The following SNURF variants were observed in gnomAD, a reference collection of about 807,000 sequenced individuals.
SNURF encodes SNURF protein.
A neutral mutation model predicts 11.6 loss-of-function variants in SNURF; 6 were observed. The ratio of observed to expected loss-of-function variants is 0.52; its 90% CI spans 0.28 to 1.02. The LOEUF is 1.02. Ranked by LOEUF, SNURF falls within the 50% of genes least tolerant of loss-of-function variation. The probability of loss-of-function intolerance (pLI) is 0.09; values close to 1 mark genes in which losing one functional copy is unlikely to be tolerated. For synonymous variants in SNURF, 29 were observed against 31.6 expected, an observed-to-expected ratio of 0.92 and a Z score of 0.27; for missense variants, 84 against 88.4, an observed-to-expected ratio of 0.95 and a Z score of 0.20.
intron 4 of SNURF, chr15:24,975,623 G>C: frequency 1.2e-6 from 1 of 822,146 alleles, no homozygotes; most frequent in Non-Finnish European, 2.0e-6. Context: ...AACTATGGTA[G>C]AGCCAGTCTA....
intron 2 of SNURF, chr15:24,966,908 C>T (rs559546079): frequency 1.3e-5 from 2 of 152,218 alleles, no homozygotes; most frequent in South Asian, 4.1e-4. Flanking sequence ...ATTTCACAGC[C>T]AGGTTACTGA....
At chr15:24,968,812 T>C (rs933175313), downstream of SNURF, 3 of 152,306 alleles carry the variant, frequency 2.0e-5, no homozygotes, top group East Asian at 3.9e-4. Flanking sequence ...AATAAAAATA[T>C]TATTCATAAT....
intron 4 of SNURF, among the ~76,000 whole-genome samples, chr15:24,975,776 G>A (rs1341754551): frequency 6.6e-6 from 1 of 152,122 alleles, no homozygotes; most frequent in Non-Finnish European, 1.5e-5. Context: ...TTTTAAAATT[G>A]AGAAAAATGC....
In SNURF at chr15:24,962,140, C is replaced by CA; in HGVS notation, c.42dup (p.Glu15ArgfsTer44). On this transcript the variant is annotated frameshift_variant, in exon 2 of 3. Coordinates refer to ENST00000577949, the Ensembl canonical transcript of SNURF. LOFTEE classifies it high-confidence loss of function. ...GATCGCTTACACCTGAGACGAACTA[C>CA]AGAACAGCACGTACCAGAGGTGGAA... is the stretch of plus-strand genomic sequence containing the variant. 6.2e-7 allele frequency: 1 copy of CA among 1,614,156 alleles called. No individual in the cohort carries two copies. Among genetic ancestry groups the CA allele is most frequent in the Admixed American group, 1.7e-5 (1 of 60,016 alleles).
intron 1 of SNURF, among the ~76,000 whole-genome samples, chr15:24,961,889 T>G (rs557279484): frequency 6.6e-6 from 1 of 152,160 alleles, no homozygotes; most frequent in Non-Finnish European, 1.5e-5. Flanking sequence ...TGATTTTTTT[T>G]AAAACCAGAT....
chr15:24,963,825 A>C (rs1227657666), intron 2 of SNURF, among the ~76,000 whole-genome samples: 1 of 152,024 alleles, frequency 6.6e-6, no homozygotes, highest in Non-Finnish European at 1.5e-5. Flanking sequence ...ACTTGAGCCC[A>C]GGAGGTGGAG....
At chr15:24,968,367 A>T in exon 3 of SNURF, 1 of 223,024 alleles carries the variant, frequency 4.5e-6, no homozygotes, top group Non-Finnish European at 9.0e-6. Context: ...GCTCTTGAAT[A>T]CCCTGTTACT....
At chr15:24,978,145 T>C (rs763225370), downstream of SNURF, 87 of 1,590,982 alleles carry the variant, frequency 5.5e-5, no homozygotes, top group Non-Finnish European at 7.0e-5. Flanking sequence ...ATTCTAACTT[T>C]TCTAAGCCAT....
intron 1 of SNURF, chr15:24,958,606 C>G (rs2074268797): frequency 6.7e-6 from 1 of 149,414 alleles, no homozygotes; most frequent in Admixed American, 6.8e-5. Context: ...CAGTCTCTCT[C>G]TGGCCACTGT....
At chr15:24,973,500 C>T (rs184254725), downstream of SNURF, among the ~76,000 whole-genome samples, 7 of 152,208 alleles carry the variant, frequency 4.6e-5, no homozygotes, top group Admixed American at 2.0e-4. Context: ...CAGGTTCAAG[C>T]GATTCTCCTA....
intron 3 of SNURF, chr15:24,975,255 G>A: frequency 1.1e-6 from 1 of 895,292 alleles, no homozygotes; most frequent in Non-Finnish European, 1.7e-6. Flanking sequence ...GTTTAGTTAA[G>A]GAAACCAGGC....
At chr15:24,970,642 A>C (rs1205968839), downstream of SNURF, among the ~76,000 whole-genome samples, 6 of 152,210 alleles carry the variant, frequency 3.9e-5, no homozygotes. Context: ...ACCAGGGTAC[A>C]TATCCAACTG....
intron 2 of SNURF, among the ~76,000 whole-genome samples, chr15:24,967,475 A>T (rs1282874933): frequency 6.6e-6 from 1 of 151,948 alleles, no homozygotes; most frequent in African/African-American, 2.4e-5. Flanking sequence ...CCCCATCTCT[A>T]CTAAAAATAC....
Position 24,965,778 on chromosome 15 carries a change from C to G in SNURF, c.111-2154C>G, listed in dbSNP as rs138100454. Among the ~76,000 whole-genome samples the G allele has an allele frequency of 9.1e-4, 139 of 152,202 alleles. 3 individuals are homozygous for G. In the East Asian group the frequency reaches 0.021, roughly 23 times the overall value. ...AATTCTGTGTAGGCTGCCTCATTTT[C>G]TCAGTCTTTAATCTTCTATTGGGTT... On this transcript the variant is annotated intron_variant, in intron 2 of 2. Coordinates refer to ENST00000577949, the Ensembl canonical transcript of SNURF.
intron 2 of SNURF, among the ~76,000 whole-genome samples, chr15:24,966,418 C>G (rs1177266608): frequency 1.3e-5 from 2 of 152,164 alleles, no homozygotes; most frequent in Non-Finnish European, 2.9e-5. Context: ...CTCACCAGAA[C>G]TCCAGATGTC....
intron 1 of SNURF, among the ~76,000 whole-genome samples, chr15:24,957,093 T>TA (rs762912003): frequency 3.9e-5 from 6 of 152,236 alleles, no homozygotes; most frequent in Non-Finnish European, 7.3e-5. Flanking sequence ...CCCTTTTTTT[T>TA]AACTCCCTGT....
intron 1 of SNURF, among the ~76,000 whole-genome samples, chr15:24,959,199 C>T (rs1204348320): frequency 6.6e-6 from 1 of 152,060 alleles, no homozygotes; most frequent in Non-Finnish European, 1.5e-5. Context: ...TTCATGATGT[C>T]CTCAGTTTCA....
chr15:24,967,807 GGAAAAAAAAAAAA>G (rs2075872270), intron 2 of SNURF, 112 bp from the exon 3 acceptor site: 1 of 697,640 alleles, frequency 1.4e-6, no homozygotes, highest in Admixed American at 2.9e-5. Flanking sequence ...GACCCTGTCT[GGAAAAAAAAAAAA>G]AAAAAAAAGG....
At chr15:24,978,334 G>C, downstream of SNURF, 1 of 1,614,074 alleles carries the variant, frequency 6.2e-7, no homozygotes. Flanking sequence ...TGGGAGCATA[G>C]GGGTTTGATG....
Sources: allele counts gnomAD v4.1 joint callset (sites outside exome capture counted in the v4.1 genomes callset), GRCh38; gene constraint gnomAD v4.1.1; transcripts MANE v1.5; gene names NCBI Gene and HGNC (gene_info 2026-07-23, HGNC 2026-07-21).